Variants in SYN3 observed in about 807,000 individuals in gnomAD.
The protein encoded by SYN3 is synapsin-3.
SYN3 carries 35 observed loss-of-function variants against 65.8 expected under a neutral mutation model. The observed-to-expected ratio is 0.53, with a 90% CI of 0.41 to 0.70. SYN3 has a LOEUF of 0.70. Ranked by LOEUF, SYN3 falls within the 30% of genes least tolerant of loss-of-function variation. The pLI, the probability that SYN3 is intolerant of heterozygous loss-of-function variation, is 0.00. For synonymous variants in SYN3, 270 were observed against 292.9 expected (o/e 0.92, Z 0.80); for missense variants, 680 against 749.0 (o/e 0.91, Z 1.08).
At chr22:32,606,656 G>T (rs950929821) in intron 6 of SYN3, among the ~76,000 whole-genome samples, 1 of 152,062 alleles carries the variant, frequency 6.6e-6, no homozygotes, top group African/African-American at 2.4e-5. Flanking sequence ...CAGCCTCTCT[G>T]GCCCAGGCTC....
chr22:32,527,778 C>G, intron 12 of SYN3, 140 bp downstream of exon 12: 1 of 701,926 alleles, frequency 1.4e-6, no homozygotes, highest in Non-Finnish European at 2.4e-6. Context: ...TTGACCAACC[C>G]CATAGTCTCA....
chr22:32,548,397 G>A (rs746292477), intron 7 of SYN3, among the ~76,000 whole-genome samples: 33 of 151,514 alleles, frequency 2.2e-4, no homozygotes, highest in Non-Finnish European at 4.1e-4. Flanking sequence ...TTTTTGAGAC[G>A]GAATCTTGCT....
At chr22:32,814,767 G>A (rs1324302600) in intron 6 of SYN3, among the ~76,000 whole-genome samples, 1 of 152,030 alleles carries the variant, frequency 6.6e-6, no homozygotes, top group Non-Finnish European at 1.5e-5. Flanking sequence ...TTCTTACTGG[G>A]TGGCTCACAA....
chr22:32,567,544 G>T (rs963214438), intron 7 of SYN3, among the ~76,000 whole-genome samples: 4 of 152,144 alleles, frequency 2.6e-5, no homozygotes, highest in Admixed American at 2.6e-4. Context: ...GGAAGAAAAG[G>T]GTTATGTATT....
At chr22:32,593,922 G>A (rs1326662791) in intron 7 of SYN3, among the ~76,000 whole-genome samples, 1 of 152,130 alleles carries the variant, frequency 6.6e-6, no homozygotes, top group Non-Finnish European at 1.5e-5. Flanking sequence ...GAGGAGGAAA[G>A]CCAGGAGAGA....
intron 6 of SYN3, among the ~76,000 whole-genome samples, chr22:32,708,496 C>T (rs897977315): frequency 6.6e-6 from 1 of 152,140 alleles, no homozygotes; most frequent in African/African-American, 2.4e-5. Flanking sequence ...GACATTTTTC[C>T]AAGGAAGACA....
At chr22:32,777,638 C>T (rs377593988) in intron 6 of SYN3, among the ~76,000 whole-genome samples, 3 of 152,116 alleles carry the variant, frequency 2.0e-5, no homozygotes, top group African/African-American at 4.8e-5. Flanking sequence ...TAAAGAATAT[C>T]CCCAAAGAAC....
chr22:32,966,483 G>A (rs1490685953), intron 3 of SYN3, among the ~76,000 whole-genome samples: 2 of 152,156 alleles, frequency 1.3e-5, no homozygotes, highest in African/African-American at 2.4e-5. Context: ...GGAGGGCCTT[G>A]TGTGCAGAGC....
At chr22:32,772,172 T>C (rs1467465976) in intron 6 of SYN3, among the ~76,000 whole-genome samples, 1 of 152,110 alleles carries the variant, frequency 6.6e-6, no homozygotes, top group Non-Finnish European at 1.5e-5. Flanking sequence ...AGGATAGTGC[T>C]GGGCCACAGG....
chr22:32,521,635 A>G (rs2057885197), intron 12 of SYN3, among the ~76,000 whole-genome samples: 1 of 151,864 alleles, frequency 6.6e-6, no homozygotes, highest in Non-Finnish European at 1.5e-5. Context: ...TTTAGTAGAG[A>G]CAGGGTTTCC....
intron 6 of SYN3, among the ~76,000 whole-genome samples, chr22:32,704,245 G>A (rs910960383): frequency 7.9e-5 from 12 of 151,994 alleles, no homozygotes; most frequent in Admixed American, 3.9e-4. Context: ...ACAGGCTCCA[G>A]TGTCTGTTGT....
At chr22:32,580,785 G>A (rs894021731) in intron 7 of SYN3, among the ~76,000 whole-genome samples, 8 of 152,230 alleles carry the variant, frequency 5.3e-5, no homozygotes, top group Admixed American at 2.0e-4. Context: ...AGCTTCAGCA[G>A]AGACCATGTG....
chr22:32,538,633 G>A (rs1055278345), intron 8 of SYN3, among the ~76,000 whole-genome samples: 2 of 152,118 alleles, frequency 1.3e-5, no homozygotes, highest in African/African-American at 4.8e-5. Context: ...CACTGCCCAT[G>A]GCTCTTTCCC....
At chr22:32,836,800 T>G in intron 6 of SYN3, among the ~76,000 whole-genome samples, 1 of 152,186 alleles carries the variant, frequency 6.6e-6, no homozygotes, top group East Asian at 1.9e-4. Context: ...GAGGAAAGCC[T>G]ACACTATTTT....
chr22:32,514,216 G>GT (rs2057733785), intron 13 of SYN3, among the ~76,000 whole-genome samples: 1 of 152,182 alleles, frequency 6.6e-6, no homozygotes, highest in Admixed American at 6.5e-5. Flanking sequence ...GCAATGTGCT[G>GT]TATCAACATC....
intron 7 of SYN3, among the ~76,000 whole-genome samples, chr22:32,590,103 G>A (rs2059107424): frequency 6.6e-6 from 1 of 152,096 alleles, no homozygotes; most frequent in Admixed American, 6.6e-5. Flanking sequence ...CCTAAATCAA[G>A]AACTAGAACT....
chr22:32,685,360 A>C (rs2147129884), intron 6 of SYN3, among the ~76,000 whole-genome samples: 1 of 152,366 alleles, frequency 6.6e-6, no homozygotes, highest in Admixed American at 6.5e-5. Flanking sequence ...GCAATTTGAC[A>C]ACACTTCGAA....
At chr22:33,052,818 G>A (rs917044381) in intron 1 of SYN3, among the ~76,000 whole-genome samples, 1 of 152,198 alleles carries the variant, frequency 6.6e-6, no homozygotes, top group Non-Finnish European at 1.5e-5. Flanking sequence ...GAGCAAAGAG[G>A]ATTTGGTCTA....
chr22:32,535,791 G>GC (rs2058155783), intron 9 of SYN3, among the ~76,000 whole-genome samples: 1 of 151,916 alleles, frequency 6.6e-6, no homozygotes, highest in African/African-American at 2.4e-5. Context: ...CGGGGGGGGG[G>GC]CCCTGCTCCC....
Sources: allele counts gnomAD v4.1 joint callset (sites outside exome capture counted in the v4.1 genomes callset), GRCh38; gene constraint gnomAD v4.1.1; transcripts MANE v1.5; gene names NCBI Gene and HGNC (gene_info 2026-07-23, HGNC 2026-07-21).